Variants in PM20D2 observed in about 807,000 individuals in gnomAD.
The protein encoded by PM20D2 is peptidase M20 domain containing 2.
PM20D2 carries 33 observed loss-of-function variants against 42.9 expected under a neutral mutation model. The ratio of observed to expected loss-of-function variants is 0.77; its 90% CI spans 0.58 to 1.03. The LOEUF (loss-of-function observed/expected upper bound fraction) is 1.03. PM20D2 is among the 50% of genes least tolerant of loss of function. PM20D2 has a pLI of 0.00. For missense variants in PM20D2, 548 were observed against 557.0 expected (o/e 0.98, Z 0.16); for synonymous variants, 250 against 228.2 (o/e 1.10, Z -0.86).
chr6:89,105,035 G>A, the PM20D2 span: 6 of 1,356,658 alleles, frequency 4.4e-6, no homozygotes, highest in African/African-American at 6.1e-5. Flanking sequence ...TCCAGCCTGG[G>A]AAACAATGAG....
the PM20D2 span, among the ~76,000 whole-genome samples, chr6:89,117,218 C>T: frequency 2.6e-5 from 4 of 152,126 alleles, no homozygotes; most frequent in African/African-American, 9.7e-5. Flanking sequence ...GGACTCAGAA[C>T]TTTAAAGAAA....
chr6:89,159,526 G>T (rs1452312385), intron 5 of PM20D2, among the ~76,000 whole-genome samples: 1 of 152,170 alleles, frequency 6.6e-6, no homozygotes, highest in African/African-American at 2.4e-5. Flanking sequence ...TCTCTACCCA[G>T]GGCATTGACT....
At chr6:89,101,822 A>G in the PM20D2 span, among the ~76,000 whole-genome samples, 1 of 152,198 alleles carries the variant, frequency 6.6e-6, no homozygotes, top group African/African-American at 2.4e-5. Flanking sequence ...ATGGAATGAC[A>G]TTTTTAAAGA....
the PM20D2 span, among the ~76,000 whole-genome samples, chr6:89,101,448 G>A: frequency 1.3e-5 from 2 of 152,150 alleles, no homozygotes; most frequent in African/African-American, 2.4e-5. Context: ...CCGGCCGGGT[G>A]CGGTGGCTCA....
the PM20D2 span, among the ~76,000 whole-genome samples, chr6:89,120,261 T>C: frequency 1.3e-5 from 2 of 152,182 alleles, no homozygotes; most frequent in Non-Finnish European, 2.9e-5. Flanking sequence ...TATCCAGTTC[T>C]ATCTCTTATA....
At chr6:89,100,522 T>TA in the PM20D2 span, among the ~76,000 whole-genome samples, 32 of 144,762 alleles carry the variant, frequency 2.2e-4, no homozygotes, top group East Asian at 6.0e-4. Flanking sequence ...CATGTTATGT[T>TA]AAAAAAAAAA....
At chr6:89,145,672 C>T (rs999397022), upstream of PM20D2, among the ~76,000 whole-genome samples, 6 of 152,276 alleles carry the variant, frequency 3.9e-5, no homozygotes, top group Non-Finnish European at 5.9e-5. Context: ...ACACTGACGG[C>T]CTCCTTCAGG....
At chr6:89,116,999 A>G in the PM20D2 span, among the ~76,000 whole-genome samples, 2 of 150,678 alleles carry the variant, frequency 1.3e-5, no homozygotes, top group Admixed American at 1.3e-4. Context: ...AATGAAGCCC[A>G]GTGAAATGAG....
At chr6:89,099,264 TA>T in the PM20D2 span, among the ~76,000 whole-genome samples, 41 of 151,736 alleles carry the variant, frequency 2.7e-4, 1 homozygote, top group Middle Eastern at 6.8e-3. Context: ...AAAAAAAGAT[TA>T]AAAAAATCAA....
chr6:89,132,235 G>T, the PM20D2 span, among the ~76,000 whole-genome samples: 1 of 152,202 alleles, frequency 6.6e-6, no homozygotes, highest in Non-Finnish European at 1.5e-5. Flanking sequence ...ACTTCATAGA[G>T]AGCTTATGCA....
At chr6:89,096,359 CAAAAGT>C in the PM20D2 span, 1 of 152,096 alleles carries the variant, frequency 6.6e-6, no homozygotes, top group South Asian at 2.1e-4. Context: ...TAGGTTGGCG[CAAAAGT>C]AATTGCGGGA....
chr6:89,154,636 A>G lies in PM20D2; in HGVS notation c.758-112A>G, dbSNP rs148948925. The stretch of plus-strand genomic sequence containing the variant: ...GATTGGTGTATTGGTGGAGCTAGTG[A>G]GTTTAAATTATTTTTCTTTATGAAC... On this transcript the variant is annotated intron_variant, in intron 3 of 6. Coordinates refer to ENST00000275072, the MANE Select transcript of PM20D2 (RefSeq NM_001010853.3). 2.4e-5 allele frequency: 17 copies of G among 715,334 alleles called. 1 individual carries two copies. In the African/African-American group the frequency reaches 2.7e-4, roughly 12 times the overall value. 44.3% of individuals were successfully genotyped at this position (715,334 alleles called of 1,614,324 possible).
At chr6:89,104,260 G>A in the PM20D2 span, among the ~76,000 whole-genome samples, 6 of 139,318 alleles carry the variant, frequency 4.3e-5, no homozygotes, top group South Asian at 2.2e-4. Context: ...GTTTTGAGAC[G>A]GAGTCTCGCT....
chr6:89,123,563 T>TA, the PM20D2 span, among the ~76,000 whole-genome samples: 1 of 149,202 alleles, frequency 6.7e-6, no homozygotes, highest in African/African-American at 2.5e-5. Flanking sequence ...CTAATAAAAA[T>TA]AAAAACAAAT....
the PM20D2 span, among the ~76,000 whole-genome samples, chr6:89,132,177 G>A: frequency 6.6e-6 from 1 of 152,154 alleles, no homozygotes. Flanking sequence ...AAAAGGAGAT[G>A]ATGGTTGAAG....
At chr6:89,147,326 G>A (rs1328578111) in intron 1 of PM20D2, among the ~76,000 whole-genome samples, 2 of 152,142 alleles carry the variant, frequency 1.3e-5, no homozygotes, top group African/African-American at 4.8e-5. Flanking sequence ...TACACTATGA[G>A]CTAAGATTCA....
chr6:89,151,168 A>C (rs1403866590), intron 2 of PM20D2, among the ~76,000 whole-genome samples: 1 of 151,624 alleles, frequency 6.6e-6, no homozygotes, highest in African/African-American at 2.4e-5. Flanking sequence ...AAAAAGAAAA[A>C]AAAAAAGAGA....
chr6:89,146,722 A>G (rs1770584237), intron 1 of PM20D2, 113 bp downstream of exon 1: 7 of 890,710 alleles, frequency 7.9e-6, no homozygotes, highest in Non-Finnish European at 1.1e-5. Context: ...CGCCCGGGGC[A>G]GGTGTGTGTG....
At chr6:89,152,732 ATT>A (rs35367725) in intron 2 of PM20D2, among the ~76,000 whole-genome samples, 11 of 146,716 alleles carry the variant, frequency 7.5e-5, no homozygotes, top group East Asian at 6.0e-4. Flanking sequence ...TACAGGATCC[ATT>A]TTTTTTTTTT....
Sources: allele counts gnomAD v4.1 joint callset (sites outside exome capture counted in the v4.1 genomes callset), GRCh38; gene constraint gnomAD v4.1.1; transcripts MANE v1.5; gene names NCBI Gene and HGNC (gene_info 2026-07-23, HGNC 2026-07-21).